Variants in TEX14 observed in about 807,000 individuals in gnomAD.
TEX14 encodes testis expressed 14, intercellular bridge forming factor.
TEX14 carries 168 observed loss-of-function variants against 178.6 expected under a neutral mutation model. That is an observed-to-expected ratio of 0.94 (90% CI 0.83 to 1.07). TEX14 has a LOEUF of 1.07. TEX14 is among the 50% of genes least tolerant of loss of function. TEX14 has a pLI of 0.00. For synonymous variants in TEX14, 626 were observed against 634.1 expected, an observed-to-expected ratio of 0.99 and a Z score of 0.19; for missense variants, 1,730 against 1,753.6, an observed-to-expected ratio of 0.99 and a Z score of 0.24.
chr17:58,655,385 T>C (rs1159651006), intron 1 of TEX14, among the ~76,000 whole-genome samples: 1 of 151,954 alleles, frequency 6.6e-6, no homozygotes, highest in East Asian at 1.9e-4. Context: ...GTTCTCACCA[T>C]GTTGGCCAGG....
rs781429540 is a variant in TEX14, at chr17:58,598,942, C to T, written c.2403G>A (p.Gln801=). 27 of 1,614,154 alleles carry T rather than the reference C, an allele frequency of 1.7e-5. No individual in the cohort carries two copies. The highest frequency in any genetic ancestry group is 1.2e-4 in the South Asian group (11 of 91,084). Residue 801 remains glutamine, a synonymous_variant, in exon 14 of 32, where the codon CAG becomes CAA. Transcript: ENST00000349033. ...PSLNYIPPVL[Q]LSGGQKPDTS... is the part of the protein sequence containing the mutation. ...TGTCTGGCTTCTGACCCCCTGAAAG[C>T]TGTAGGACAGGAGGAATATAGTTTA...
At chr17:58,659,247 T>C (rs1008456276) in intron 1 of TEX14, 12 of 605,758 alleles carry the variant, frequency 2.0e-5, no homozygotes, top group East Asian at 3.3e-4. Flanking sequence ...GTAAAAACCC[T>C]CCCCCAAGAA....
rs771952854 is a variant in TEX14 at position 58,613,450 on chromosome 17, C to T, written c.976G>A (p.Gly326Ser). The change falls in exon 9 of 32, where the codon GGC becomes AGC. Residue 326 changes from glycine (G) to serine (S), a missense_variant. Physicochemically the swap from Gly to Ser is moderately conservative, Grantham distance 56. This residue lies in a region of TEX14 where 789 missense variants were observed against 681.2 expected (regional missense o/e 1.16). Transcript: ENST00000349033. The stretch of plus-strand genomic sequence containing the variant: ...TCATGAAGGACACTGAACAATGTGC[C>T]GATAGTGATGCGCTCGTACACAAGG... ...TRLVYERITI[G>S]TLFSVLHERR... is the part of the protein sequence containing the mutation. The T allele has an allele frequency of 1.2e-5, 19 of 1,613,952 alleles. No individual in the cohort carries two copies. The highest frequency in any genetic ancestry group is 2.2e-5 in the East Asian group (1 of 44,862).
At chr17:58,681,483 C>A (rs1434319419) in intron 1 of TEX14, among the ~76,000 whole-genome samples, 1 of 152,000 alleles carries the variant, frequency 6.6e-6, no homozygotes, top group African/African-American at 2.4e-5. Flanking sequence ...TATATATATA[C>A]ATACACACAT....
intron 14 of TEX14, 46 bp from the exon 15 acceptor site, chr17:58,593,707 C>T: frequency 7.0e-7 from 1 of 1,428,656 alleles, no homozygotes; most frequent in Non-Finnish European, 9.9e-7. Flanking sequence ...GAGAGAATTC[C>T]CACTCTCTTC....
rs1214886445 is a variant in TEX14 at position 58,617,244 on chromosome 17, C to CT, written c.636+293dup. ...CCAGCCTGGGCAACAGAGCCAGACT[C>CT]TGTCTCAAAAAAATAATAATTAAAA... On this transcript the variant is annotated intron_variant, in intron 6 of 31. Transcript: ENST00000349033. 8.5e-5 allele frequency among the ~76,000 whole-genome samples: 13 copies of CT among 152,244 alleles called. No individual in the cohort carries two copies. In the East Asian group the frequency reaches 2.5e-3, roughly 29 times the overall value.
chr17:58,588,700 T>C (rs1192555038), intron 15 of TEX14, among the ~76,000 whole-genome samples: 2 of 152,180 alleles, frequency 1.3e-5, no homozygotes. Context: ...CTATCTGACT[T>C]TGGCAAACAT....
At chr17:58,600,326 G>A (rs1374853883) in intron 13 of TEX14, among the ~76,000 whole-genome samples, 2 of 151,834 alleles carry the variant, frequency 1.3e-5, no homozygotes, top group East Asian at 1.9e-4. Context: ...GAGTTCGAGT[G>A]GTCTCAAACC....
chr17:58,613,456 T>C lies in TEX14; in HGVS notation c.970A>G (p.Thr324Ala). The change falls in exon 9 of 32, where the codon ACT (threonine) becomes GCT (alanine). Residue 324 changes from threonine (T) to alanine (A), a missense_variant. Around this residue, in one of 2 missense-constraint regions of TEX14, gnomAD observed 789 missense variants for 681.2 expected, o/e 1.16. Transcript: ENST00000349033. ...AGGACACTGAACAATGTGCCGATAG[T>C]GATGCGCTCGTACACAAGGCGGGTT... is the stretch of plus-strand genomic sequence containing the variant. ...EKTRLVYERI[T>A]IGTLFSVLHE... 2.5e-6 allele frequency: 4 copies of C among 1,614,064 alleles called. No individual in the cohort carries two copies. In the South Asian group the frequency reaches 3.3e-5, roughly 13 times the overall value.
chr17:58,588,141 T>C (rs2144420832), intron 15 of TEX14, 120 bp from the exon 16 acceptor site: 1 of 619,816 alleles, frequency 1.6e-6, no homozygotes, highest in Middle Eastern at 4.1e-4. Flanking sequence ...AACCCGCAGT[T>C]GAAGCGCAGT....
At chr17:58,615,551 C>T (rs2045854051) in intron 7 of TEX14, among the ~76,000 whole-genome samples, 1 of 152,152 alleles carries the variant, frequency 6.6e-6, no homozygotes, top group South Asian at 2.1e-4. Context: ...GGTGGGAAGT[C>T]ACTGAATGCA....
At chr17:58,607,780 C>T (rs2045644351) in intron 10 of TEX14, among the ~76,000 whole-genome samples, 1 of 152,222 alleles carries the variant, frequency 6.6e-6, no homozygotes, top group Admixed American at 6.5e-5. Flanking sequence ...AGAGGTCAAC[C>T]CTGCTCTGAA....
intron 18 of TEX14, among the ~76,000 whole-genome samples, chr17:58,585,545 G>A (rs2044935977): frequency 6.6e-6 from 1 of 150,546 alleles, no homozygotes; most frequent in South Asian, 2.1e-4. Flanking sequence ...AGGTCCAAGT[G>A]ATCCTCCCAC....
chr17:58,588,788 AG>A (rs1459433161), intron 15 of TEX14, among the ~76,000 whole-genome samples: 1 of 152,174 alleles, frequency 6.6e-6, no homozygotes, highest in Non-Finnish European at 1.5e-5. Flanking sequence ...ATAACTAGCC[AG>A]GATGGTGGCT....
intron 2 of TEX14, among the ~76,000 whole-genome samples, chr17:58,648,650 T>A (rs1279193631): frequency 1.3e-5 from 2 of 152,178 alleles, no homozygotes; most frequent in Non-Finnish European, 1.5e-5. Context: ...TACAGCAGGC[T>A]GGGACTCAGG....
intron 2 of TEX14, among the ~76,000 whole-genome samples, chr17:58,635,518 C>T (rs1220372595): frequency 6.6e-6 from 1 of 151,756 alleles, no homozygotes; most frequent in Non-Finnish European, 1.5e-5. Context: ...CATCCTCTGC[C>T]TCCCAGGTTC....
intron 31 of TEX14, 48 bp from the exon 32 acceptor site, chr17:58,557,095 ATG>A (rs755396863): frequency 1.3e-6 from 2 of 1,499,860 alleles, no homozygotes; most frequent in African/African-American, 2.7e-5. Flanking sequence ...TCGAGTTGGT[ATG>A]TGTGTTTTTT....
At chr17:58,679,978 AAAT>A (rs2047473707) in intron 1 of TEX14, among the ~76,000 whole-genome samples, 1 of 152,140 alleles carries the variant, frequency 6.6e-6, no homozygotes, top group South Asian at 2.1e-4. Flanking sequence ...GACACGACTG[AAAT>A]AAAACTTAAA....
intron 1 of TEX14, among the ~76,000 whole-genome samples, chr17:58,665,611 CAAAA>C (rs981066319): frequency 1.3e-5 from 2 of 151,172 alleles, no homozygotes; most frequent in Non-Finnish European, 3.0e-5. Flanking sequence ...AAACAAAAAA[CAAAA>C]AAACCCACAA....
Sources: gnomAD v4.1 joint callset for allele counts (sites outside exome capture counted in the v4.1 genomes callset) on GRCh38, gnomAD v4.1.1 for gene constraint, gnomAD v4.1.1 regional missense constraint, MANE v1.5 for transcripts, NCBI Gene and HGNC (gene_info 2026-07-23, HGNC 2026-07-21) for gene names.